Variants in DACH2 observed in about 807,000 individuals in gnomAD.
DACH2 encodes dachshund homolog 2.
A neutral mutation model predicts 35.8 loss-of-function variants in DACH2; 17 were observed. The ratio of observed to expected loss-of-function variants is 0.48; its 90% CI spans 0.33 to 0.71. The LOEUF is 0.71. DACH2 is among the 30% of genes least tolerant of loss of function. The pLI is 0.02. For missense variants in DACH2, 469 were observed against 472.7 expected (o/e 0.99, Z 0.07); for synonymous variants, 195 against 177.3 (o/e 1.10, Z -0.79).
At chrX:86,479,304 G>A (rs1459752770) in intron 2 of DACH2, among the ~76,000 whole-genome samples, 2 of 110,516 alleles carry the variant, frequency 1.8e-5, no homozygotes, top group African/African-American at 6.6e-5. Flanking sequence ...TGCAACATTT[G>A]GGCGTGAAAA....
intron 2 of DACH2, among the ~76,000 whole-genome samples, chrX:86,460,472 T>C (rs1404580512): frequency 1.8e-5 from 2 of 111,044 alleles, no homozygotes; most frequent in Non-Finnish European, 3.8e-5. Flanking sequence ...AAATTTCATT[T>C]TTAGAAATAT....
At position 86,415,247 on chromosome X, in the gene DACH2, C is replaced by T. The variant is rs192688551; in HGVS notation, c.527+38385C>T. 2.7e-4 allele frequency among the ~76,000 whole-genome samples: 30 copies of T among 111,912 alleles called. No homozygotes were observed. In the East Asian group the frequency reaches 3.4e-3, roughly 13 times the overall value. The stretch of plus-strand genomic sequence containing the variant: ...GTCTAGTAGCTGGGATCTTTTCTTT[C>T]TTTCTTTTCAACGTAGGACTAATTT... On this transcript the variant is annotated intron_variant, in intron 2 of 11. Transcript: ENST00000373125.
rs368893765 is a variant in DACH2 at position 86,601,027 on chromosome X, T to C, written c.641-50009T>C. Among the ~76,000 whole-genome samples, 10 of 111,504 alleles carry C rather than the reference T, an allele frequency of 9.0e-5. No homozygotes were observed. In the East Asian group the frequency reaches 1.7e-3, roughly 19 times the overall value. On this transcript the variant is annotated intron_variant, in intron 3 of 11. Transcript: ENST00000373125. ...TACATGGAATCTAGGACATAGGCAA[T>C]AGACAAGGAAAGTGAACACCCTTTG...
intron 3 of DACH2, among the ~76,000 whole-genome samples, chrX:86,555,990 T>C (rs1189471712): frequency 4.5e-5 from 5 of 111,650 alleles, no homozygotes; most frequent in African/African-American, 1.6e-4. Context: ...TCCCAACCAA[T>C]ACAGAAACTA....
At chrX:86,696,558 T>A (rs2148445461) in intron 5 of DACH2, among the ~76,000 whole-genome samples, 1 of 111,829 alleles carries the variant, frequency 8.9e-6, no homozygotes, top group African/African-American at 3.2e-5. Context: ...AGAAAAAAGA[T>A]AAACAAACTG....
chrX:86,680,488 G>A (rs780662908), intron 4 of DACH2, among the ~76,000 whole-genome samples: 12 of 111,531 alleles, frequency 1.1e-4, no homozygotes, highest in South Asian at 3.7e-4. Context: ...GTTGCCTAAC[G>A]TGTGTTGAAT....
chrX:86,415,851 T>G (rs1362482862), intron 2 of DACH2, among the ~76,000 whole-genome samples: 1 of 111,764 alleles, frequency 8.9e-6, no homozygotes, highest in African/African-American at 3.2e-5. Context: ...AGAGTCATGT[T>G]TTGAGAAATT....
At chrX:86,325,844 G>A (rs1377724920) in intron 1 of DACH2, among the ~76,000 whole-genome samples, 26 of 111,719 alleles carry the variant, frequency 2.3e-4, no homozygotes, top group African/African-American at 8.5e-4. Flanking sequence ...TGGGAGCTTT[G>A]GAGTAGATAG....
chrX:86,536,855 G>A (rs771987920), intron 3 of DACH2, among the ~76,000 whole-genome samples: 1 of 111,663 alleles, frequency 9.0e-6, no homozygotes, highest in African/African-American at 3.2e-5. Context: ...CCTTAATCTT[G>A]GCAAAAGAAA....
At chrX:86,765,698 G>GTTTTTTTTTTTTT (rs60709865) in intron 7 of DACH2, among the ~76,000 whole-genome samples, 12 of 24,628 alleles carry the variant, frequency 4.9e-4, no homozygotes, top group South Asian at 5.0e-3. Context: ...TTGTTTTTTG[G>GTTTTTTTTTTTTT]TTTTTTTTTT....
rs752576098 is a variant in DACH2, at chrX:86,425,887, A to C, written c.527+49025A>C. On this transcript the variant is annotated intron_variant, in intron 2 of 11. Coordinates refer to ENST00000373125, the MANE Select transcript of DACH2 (RefSeq NM_053281.3). ...CAAATAACTATGTTTAGTAGTGATAAGTAGTAGAAGAACAAGTGTGCCTCG... is the reference window on the plus strand; with the variant it reads ...CAAATAACTATGTTTAGTAGTGATACGTAGTAGAAGAACAAGTGTGCCTCG... Among the ~76,000 whole-genome samples the C allele has an allele frequency of 1.3e-4, 14 of 111,126 alleles. No homozygotes were observed. The East Asian group carries it at 4.0e-3, about 31-fold the overall frequency.
intron 7 of DACH2, among the ~76,000 whole-genome samples, chrX:86,807,210 A>T (rs1194817545): frequency 8.9e-6 from 1 of 111,741 alleles, no homozygotes; most frequent in African/African-American, 3.3e-5. Context: ...GTGTTAATAG[A>T]TGCTTAGGTT....
intron 2 of DACH2, among the ~76,000 whole-genome samples, chrX:86,402,817 T>C (rs1427433539): frequency 8.9e-6 from 1 of 112,080 alleles, no homozygotes; most frequent in Non-Finnish European, 1.9e-5. Flanking sequence ...AAAAGCAATG[T>C]ATTGTTACAA....
chrX:86,438,515 G>A (rs781471170), intron 2 of DACH2, among the ~76,000 whole-genome samples: 8 of 111,304 alleles, frequency 7.2e-5, no homozygotes, highest in Non-Finnish European at 1.5e-4. Flanking sequence ...CATGAGACAC[G>A]GCACTTGGCC....
chrX:86,423,896 G>C (rs763805133), intron 2 of DACH2, among the ~76,000 whole-genome samples: 19 of 110,742 alleles, frequency 1.7e-4, no homozygotes, highest in Non-Finnish European at 3.0e-4. Flanking sequence ...TCATTCTTCT[G>C]CATATGAATG....
At chrX:86,500,361 A>T (rs1033327170) in intron 2 of DACH2, among the ~76,000 whole-genome samples, 2 of 111,935 alleles carry the variant, frequency 1.8e-5, no homozygotes, top group African/African-American at 6.5e-5. Context: ...ATTCATACAT[A>T]GCAAGCTTTG....
intron 9 of DACH2, 95 bp from the exon 10 acceptor site, chrX:86,814,593 C>A: frequency 1.1e-6 from 1 of 879,558 alleles, no homozygotes; most frequent in Non-Finnish European, 1.6e-6. Flanking sequence ...CTATATCTCT[C>A]TTTATCTATA....
At chrX:86,450,837 A>T (rs2037363611) in intron 2 of DACH2, among the ~76,000 whole-genome samples, 1 of 110,632 alleles carries the variant, frequency 9.0e-6, no homozygotes, top group Non-Finnish European at 1.9e-5. Flanking sequence ...TTGAGCTTTT[A>T]AAAATATGTT....
chrX:86,493,939 C>A (rs1055591575), intron 2 of DACH2, among the ~76,000 whole-genome samples: 1 of 111,237 alleles, frequency 9.0e-6, no homozygotes, highest in Non-Finnish European at 1.9e-5. Flanking sequence ...TCTTGATTGC[C>A]CTGAAAAAAT....
Sources: gnomAD v4.1 joint callset for allele counts (sites outside exome capture counted in the v4.1 genomes callset) on GRCh38, gnomAD v4.1.1 for gene constraint, MANE v1.5 for transcripts, NCBI Gene and HGNC (gene_info 2026-07-23, HGNC 2026-07-21) for gene names.